SEPTIN6: variants seen among roughly 807,000 people sequenced by gnomAD.
SEPTIN6 encodes septin-6.
Under a neutral mutation model 33.6 loss-of-function variants are expected in SEPTIN6, and 8 were observed. The observed-to-expected ratio is 0.24, with a 90% CI of 0.14 to 0.43. The LOEUF is 0.43. SEPTIN6 is among the 20% of genes least tolerant of loss of function. The pLI, the probability that SEPTIN6 is intolerant of heterozygous loss-of-function variation, is 1.00. For synonymous variants in SEPTIN6, 131 were observed against 140.0 expected, an observed-to-expected ratio of 0.94 and a Z score of 0.45; for missense variants, 250 against 340.8, an observed-to-expected ratio of 0.73 and a Z score of 2.10.
At chrX:119,633,563 T>G (rs1222823398) in intron 7 of SEPTIN6, 71 bp from the exon 8 acceptor site, 35 of 1,113,716 alleles carry the variant, frequency 3.1e-5, no homozygotes, top group South Asian at 2.2e-5. Flanking sequence ...GCCCCAAAGA[T>G]CCTCACTGGG....
chrX:119,646,244 C>T (rs2054255557), intron 5 of SEPTIN6, among the ~76,000 whole-genome samples: 1 of 111,220 alleles, frequency 9.0e-6, no homozygotes, highest in African/African-American at 3.3e-5. Flanking sequence ...AATGGAAATA[C>T]CATTGCTGTC....
chrX:119,650,196 A>T, intron 4 of SEPTIN6, 98 bp from the exon 5 acceptor site: 1 of 866,892 alleles, frequency 1.2e-6, no homozygotes, highest in Non-Finnish European at 1.7e-6. Context: ...GGAGCCGCTC[A>T]GCCCAGTGGT....
chrX:119,645,104 C>T (rs184733501), intron 5 of SEPTIN6, among the ~76,000 whole-genome samples: 149 of 107,686 alleles, frequency 1.4e-3, no homozygotes, highest in African/African-American at 4.6e-3. Flanking sequence ...GACAGGATGT[C>T]GCCATGTTGG....
chrX:119,651,196 T>C (rs1380435309), intron 4 of SEPTIN6, among the ~76,000 whole-genome samples: 1 of 111,620 alleles, frequency 9.0e-6, no homozygotes, highest in Non-Finnish European at 1.9e-5. Flanking sequence ...CTCTGCGCTT[T>C]GGCTTAGGAG....
intron 5 of SEPTIN6, among the ~76,000 whole-genome samples, chrX:119,646,189 C>A (rs757144888): frequency 1.2e-4 from 13 of 111,562 alleles, no homozygotes; most frequent in African/African-American, 4.2e-4. Context: ...GGCTGATTTG[C>A]TCTCAAGTCA....
intron 3 of SEPTIN6, among the ~76,000 whole-genome samples, chrX:119,661,821 C>T (rs2054551589): frequency 8.9e-6 from 1 of 111,951 alleles, no homozygotes; most frequent in African/African-American, 3.2e-5. Flanking sequence ...TCACTGCAAC[C>T]CTGCCTCCCG....
chrX:119,673,649 T>C (rs1434169802), intron 2 of SEPTIN6, among the ~76,000 whole-genome samples: 2 of 109,445 alleles, frequency 1.8e-5, no homozygotes, highest in South Asian at 3.9e-4. Context: ...GGCGGATCAC[T>C]TGAGGTCAGG....
In SEPTIN6 at chrX:119,690,342, TACACATAC is replaced by T. The variant is rs748604015; in HGVS notation, c.30+2726_30+2733del. ...AGAAAGAACACACCCCCCACATACA[TACACATAC>T]ACACACACACACACACACACACACA... is the stretch of plus-strand genomic sequence containing the variant. On this transcript the variant is annotated intron_variant, in intron 1 of 10. Coordinates refer to ENST00000394610, the MANE Select transcript of SEPTIN6 (RefSeq NM_145799.4). Among the ~76,000 whole-genome samples the T allele has an allele frequency of 1.2e-3, 86 of 69,375 alleles. 1 individual carries two copies. The East Asian group carries it at 0.033, about 27-fold the overall frequency. The allele number at this position is 69,375 out of a possible 115,157, so 60.2% of individuals were successfully genotyped here. A position where few individuals can be genotyped will look rare whatever the true frequency, so the allele number is the denominator to read the frequency against.
intron 3 of SEPTIN6, among the ~76,000 whole-genome samples, chrX:119,654,656 C>T (rs1445314966): frequency 9.0e-6 from 1 of 111,608 alleles, no homozygotes; most frequent in Non-Finnish European, 1.9e-5. Flanking sequence ...GCAGCCAGAG[C>T]TGAGATCCAG....
intron 8 of SEPTIN6, among the ~76,000 whole-genome samples, chrX:119,631,501 C>T (rs2053961219): frequency 9.0e-6 from 1 of 111,598 alleles, no homozygotes; most frequent in African/African-American, 3.3e-5. Context: ...TTACTAGTCA[C>T]TAGGGCTGCC....
intron 3 of SEPTIN6, among the ~76,000 whole-genome samples, chrX:119,661,548 G>A (rs1335256075): frequency 8.9e-6 from 1 of 112,421 alleles, no homozygotes; most frequent in Non-Finnish European, 1.9e-5. Flanking sequence ...GTTCACCTAA[G>A]AAGCAAGAGA....
At chrX:119,690,329 C>A (rs1356358408) in intron 1 of SEPTIN6, among the ~76,000 whole-genome samples, 1 of 93,279 alleles carries the variant, frequency 1.1e-5, no homozygotes, top group Non-Finnish European at 2.1e-5. Context: ...AAAGAACACA[C>A]CCCCCACATA....
chrX:119,646,755 C>A, intron 5 of SEPTIN6: 1 of 294,236 alleles, frequency 3.4e-6, no homozygotes, highest in Non-Finnish European at 7.4e-6. Context: ...TGACAATTGG[C>A]TGGGGTGGCT....
At chrX:119,631,182 C>CTT (rs1045034639) in intron 8 of SEPTIN6, among the ~76,000 whole-genome samples, 8 of 94,946 alleles carry the variant, frequency 8.4e-5, no homozygotes, top group Non-Finnish European at 8.4e-5. Flanking sequence ...TTTTTCTTTT[C>CTT]TTTTTTTTTT....
chrX:119,642,193 A>C (rs1023301540), intron 5 of SEPTIN6, among the ~76,000 whole-genome samples: 1 of 109,484 alleles, frequency 9.1e-6, no homozygotes, highest in East Asian at 2.8e-4. Context: ...AAAAAAAAAA[A>C]AAAAGAAAAA....
At chrX:119,665,165 G>T (rs746867981) in intron 2 of SEPTIN6, among the ~76,000 whole-genome samples, 1 of 105,124 alleles carries the variant, frequency 9.5e-6, no homozygotes, top group Admixed American at 1.0e-4. Context: ...GAGCAGTGGC[G>T]CAATCTCGGC....
chrX:119,677,354 G>A (rs1182275968), intron 1 of SEPTIN6, among the ~76,000 whole-genome samples: 4 of 112,426 alleles, frequency 3.6e-5, no homozygotes, highest in South Asian at 7.3e-4. Flanking sequence ...TGCGTGGAGC[G>A]TGGACTCAAG....
intron 2 of SEPTIN6, 35 bp downstream of exon 2, chrX:119,675,519 T>C: frequency 1.2e-6 from 1 of 852,549 alleles, no homozygotes. Context: ...GGATCCATAT[T>C]CTGTAATAGA....
chrX:119,617,569 G>A lies in SEPTIN6; in HGVS notation c.*2524C>T. The A allele has an allele frequency of 2.5e-6, 2 of 803,341 alleles. No individual in the cohort carries two copies. Among genetic ancestry groups the A allele is most frequent in the Non-Finnish European group, 3.0e-6 (2 of 669,501 alleles). 66.2% of individuals were successfully genotyped at this position (803,341 alleles called of 1,213,427 possible). A position where few individuals can be genotyped will look rare whatever the true frequency, so the allele number is the denominator to read the frequency against. On this transcript the variant is annotated 3_prime_UTR_variant, in exon 11 of 11. Transcript: ENST00000394610. ...CCAATCCATCTTCAGATGTTTTTCT[G>A]TGGAAAAAAACCTCGAGGGTCTTCT...
Sources: allele counts gnomAD v4.1 joint callset (sites outside exome capture counted in the v4.1 genomes callset), GRCh38; gene constraint gnomAD v4.1.1; transcripts MANE v1.5; gene names NCBI Gene and HGNC (gene_info 2026-07-23, HGNC 2026-07-21).